The following TMEM108 variants were observed in gnomAD, a reference collection of about 807,000 sequenced individuals.
TMEM108 encodes the protein transmembrane protein 108, also known as cancer/testis antigen 124.
Under a neutral mutation model 35.1 loss-of-function variants are expected in TMEM108, and 12 were observed. That is an observed-to-expected ratio of 0.34 (90% CI 0.22 to 0.55). TMEM108 has a LOEUF of 0.55. TMEM108 is among the 20% of genes least tolerant of loss of function. The pLI is 0.89. For missense variants in TMEM108, 680 were observed against 753.3 expected, an observed-to-expected ratio of 0.90 and a Z score of 1.14; for synonymous variants, 287 against 308.6, an observed-to-expected ratio of 0.93 and a Z score of 0.73.
At chr3:133,342,590 T>TA (rs575690656) in intron 3 of TMEM108, among the ~76,000 whole-genome samples, 41 of 61,690 alleles carry the variant, frequency 6.6e-4, no homozygotes, top group African/African-American at 2.6e-3. Flanking sequence ...TCTGCAGCCA[T>TA]AAAAAATGAA....
intron 3 of TMEM108, among the ~76,000 whole-genome samples, chr3:133,232,420 AC>A (rs1946166653): frequency 6.6e-6 from 1 of 151,998 alleles, no homozygotes; most frequent in Admixed American, 6.6e-5. Flanking sequence ...TTTACCTTCC[AC>A]CACCAGTGGA....
chr3:133,245,579 A>C (rs1946374582), intron 3 of TMEM108, among the ~76,000 whole-genome samples: 1 of 152,154 alleles, frequency 6.6e-6, no homozygotes, highest in South Asian at 2.1e-4. Context: ...TTCTTTGTTT[A>C]TTGCCTACAG....
chr3:133,373,384 TGATAGATAGATAGATAGATAGATAGATA>T (rs55867564), intron 3 of TMEM108, among the ~76,000 whole-genome samples: 42 of 136,302 alleles, frequency 3.1e-4, no homozygotes, highest in East Asian at 1.1e-3. Flanking sequence ...GATAGATAGA[TGATAGATAGATAGATAGATAGATAGATA>T]GATAGATAGA....
intron 2 of TMEM108, among the ~76,000 whole-genome samples, chr3:133,196,706 A>G (rs1445892399): frequency 6.6e-6 from 1 of 152,236 alleles, no homozygotes; most frequent in Non-Finnish European, 1.5e-5. Flanking sequence ...GAATAGACCA[A>G]CATTCAGGGC....
intron 2 of TMEM108, among the ~76,000 whole-genome samples, chr3:133,185,016 T>C (rs1255788472): frequency 1.3e-5 from 2 of 152,190 alleles, no homozygotes; most frequent in Non-Finnish European, 1.5e-5. Flanking sequence ...TATAGCTAAT[T>C]TGTAAAGGGA....
chr3:133,363,297 C>T (rs994169230), intron 3 of TMEM108, among the ~76,000 whole-genome samples: 12 of 152,176 alleles, frequency 7.9e-5, no homozygotes, highest in Non-Finnish European at 2.9e-5. Flanking sequence ...AGGGACCCAA[C>T]AGTCTGTAGT....
At chr3:133,188,382 G>A (rs1221830163) in intron 2 of TMEM108, among the ~76,000 whole-genome samples, 1 of 151,426 alleles carries the variant, frequency 6.6e-6, no homozygotes, top group Non-Finnish European at 1.5e-5. Context: ...TTTGTGGGTG[G>A]GTTCCAGCTT....
chr3:133,097,947 G>C lies in TMEM108; in HGVS notation c.-47+51927G>C, dbSNP rs553867504. Among the ~76,000 whole-genome samples the C allele has an allele frequency of 9.2e-5, 14 of 152,316 alleles. 1 individual carries two copies. The highest frequency in any genetic ancestry group is 3.1e-4 in the African/African-American group (13 of 41,576). The stretch of plus-strand genomic sequence containing the variant: ...TTTGGTTCAGTCTGAGAAAGGCCTA[G>C]TAAATCAAGGAAAGAGAAGGGCTGC... On this transcript the variant is annotated intron_variant, in intron 2 of 5. Coordinates refer to ENST00000321871, the MANE Select transcript of TMEM108 (RefSeq NM_023943.4).
chr3:133,262,525 T>C (rs1179538479), intron 3 of TMEM108, among the ~76,000 whole-genome samples: 1 of 152,176 alleles, frequency 6.6e-6, no homozygotes, highest in East Asian at 1.9e-4. Flanking sequence ...CAAACAAAAA[T>C]GGGAGAGACA....
chr3:133,169,940 G>A (rs148420168), intron 2 of TMEM108, among the ~76,000 whole-genome samples: 95 of 152,232 alleles, frequency 6.2e-4, no homozygotes, highest in African/African-American at 2.0e-3. Flanking sequence ...AAACAAGGGC[G>A]GGATCAGATA....
intron 3 of TMEM108, among the ~76,000 whole-genome samples, chr3:133,231,745 TA>T (rs1946156478): frequency 6.6e-6 from 1 of 152,100 alleles, no homozygotes; most frequent in Non-Finnish European, 1.5e-5. Context: ...TCTATTTGTT[TA>T]AAAAAACAAA....
chr3:133,079,685 A>G (rs578028158), intron 2 of TMEM108, among the ~76,000 whole-genome samples: 4 of 152,270 alleles, frequency 2.6e-5, no homozygotes, highest in Admixed American at 2.6e-4. Context: ...TTTTGGGAGG[A>G]CACAAACATT....
At chr3:133,106,451 AAGACAGTGAGGTGGGCT>A (rs1016011512) in intron 2 of TMEM108, among the ~76,000 whole-genome samples, 1 of 152,244 alleles carries the variant, frequency 6.6e-6, no homozygotes, top group African/African-American at 2.4e-5. Flanking sequence ...TGCATGAGTG[AAGACAGTGAGGTGGGCT>A]AGTGTATCAT....
intron 3 of TMEM108, among the ~76,000 whole-genome samples, chr3:133,325,952 T>C (rs977629611): frequency 6.6e-6 from 1 of 152,046 alleles, no homozygotes; most frequent in African/African-American, 2.4e-5. Context: ...AAATATGATG[T>C]CTGGGATTAA....
intron 2 of TMEM108, among the ~76,000 whole-genome samples, chr3:133,222,533 G>A (rs1041845731): frequency 4.0e-5 from 6 of 151,528 alleles, no homozygotes; most frequent in Non-Finnish European, 7.4e-5. Flanking sequence ...TTTTGTTGTT[G>A]CTCCACTAAT....
chr3:133,133,285 C>G (rs1944515898), intron 2 of TMEM108, among the ~76,000 whole-genome samples: 1 of 152,228 alleles, frequency 6.6e-6, no homozygotes, highest in Admixed American at 6.5e-5. Context: ...CCACCCTGAT[C>G]AGTCAGCAGT....
chr3:133,076,269 A>G (rs1216031388), intron 2 of TMEM108, among the ~76,000 whole-genome samples: 1 of 150,676 alleles, frequency 6.6e-6, no homozygotes, highest in Non-Finnish European at 1.5e-5. Context: ...AATAGTAATA[A>G]TAACCCCTTC....
intron 2 of TMEM108, among the ~76,000 whole-genome samples, chr3:133,069,162 G>A (rs926083330): frequency 3.3e-5 from 5 of 152,202 alleles, no homozygotes; most frequent in African/African-American, 1.2e-4. Context: ...TTTTCATGAG[G>A]ATGGAGCCGA....
At chr3:133,120,729 A>T (rs1244660928) in intron 2 of TMEM108, among the ~76,000 whole-genome samples, 1 of 152,210 alleles carries the variant, frequency 6.6e-6, no homozygotes. Flanking sequence ...TTTGTTATTT[A>T]TCTATGCTAG....
Sources: gnomAD v4.1 joint callset for allele counts (sites outside exome capture counted in the v4.1 genomes callset) on GRCh38, gnomAD v4.1.1 for gene constraint, MANE v1.5 for transcripts, NCBI Gene and HGNC (gene_info 2026-07-23, HGNC 2026-07-21) for gene names.